The following DAG1 variants were observed in gnomAD, a reference collection of about 807,000 sequenced individuals.
The protein encoded by DAG1 is dystroglycan 1.
In DAG1, 8 loss-of-function variants were observed where a neutral mutation model predicts 46.1. The ratio of observed to expected loss-of-function variants is 0.17; its 90% CI spans 0.10 to 0.31. The LOEUF is 0.31. Ranked by LOEUF, DAG1 falls within the 10% of genes least tolerant of loss-of-function variation. The probability of loss-of-function intolerance (pLI) is 1.00; values close to 1 mark genes in which losing one functional copy is unlikely to be tolerated. For missense variants in DAG1, 1,003 were observed against 1,189.9 expected (o/e 0.84, Z 2.31); for synonymous variants, 495 against 481.8 (o/e 1.03, Z -0.36).
chr3:49,517,752 T>A (rs1452572021), intron 2 of DAG1, among the ~76,000 whole-genome samples: 3 of 152,226 alleles, frequency 2.0e-5, no homozygotes, highest in Admixed American at 6.5e-5. Flanking sequence ...TAAGCTATCA[T>A]TGTTCCCTGT....
At chr3:49,470,886 C>T (rs1179190525) in intron 1 of DAG1, 1 of 152,280 alleles carries the variant, frequency 6.6e-6, no homozygotes, top group Non-Finnish European at 1.5e-5. Context: ...TGCTCAGAGC[C>T]TTGGTGGGTT....
intron 1 of DAG1, among the ~76,000 whole-genome samples, chr3:49,495,940 C>CA (rs749675711): frequency 1.8e-4 from 27 of 150,748 alleles, no homozygotes; most frequent in African/African-American, 4.1e-4. Context: ...AAAACAAAAA[C>CA]AAAAAAACAG....
intron 1 of DAG1, among the ~76,000 whole-genome samples, chr3:49,481,196 T>A (rs2107055543): frequency 1.4e-5 from 2 of 145,900 alleles, no homozygotes; most frequent in South Asian, 4.5e-4. Context: ...GAGACCGTCC[T>A]GGCTAACATG....
chr3:49,501,730 C>G lies in DAG1; in HGVS notation c.-116-8689C>G, dbSNP rs181647983. On this transcript the variant is annotated intron_variant, in intron 1 of 2. Transcript: ENST00000308775. ...TGGGAGGCTGAGGCAGGGAGAATTG[C>G]TTGAACCCGGGAGGCAGAGGTTGCA... 2.7e-5 allele frequency among the ~76,000 whole-genome samples: 4 copies of G among 150,908 alleles called. No homozygotes were observed. The East Asian group carries it at 5.9e-4, about 22-fold the overall frequency.
intron 2 of DAG1, among the ~76,000 whole-genome samples, chr3:49,518,160 A>G (rs1035175580): frequency 3.3e-5 from 5 of 152,122 alleles, no homozygotes; most frequent in Non-Finnish European, 7.4e-5. Flanking sequence ...GGGTTGGTCT[A>G]TTTGGGCAGG....
intron 2 of DAG1, among the ~76,000 whole-genome samples, chr3:49,513,759 A>G (rs1443908828): frequency 4.6e-5 from 7 of 152,194 alleles, no homozygotes; most frequent in African/African-American, 1.4e-4. Context: ...GAGTGTTTGC[A>G]TAAAGTTTCC....
Position 49,533,071 on chromosome 3 carries a change from C to T in DAG1, c.2560C>T (p.Arg854Trp), listed in dbSNP as rs767716751. 29 of 1,614,172 alleles carry T rather than the reference C, an allele frequency of 1.8e-5. No homozygotes were observed. The highest frequency in any genetic ancestry group is 2.0e-5 in the Non-Finnish European group (24 of 1,180,024). ...CACCATGGGAGAGTACACGCCCCTG[C>T]GGGATGAGGATCCCAATGCGCCTCC... ...QDTMGEYTPL[R>W]DEDPNAPPYQ... The change falls in exon 3 of 3, where the codon CGG (arginine) becomes TGG (tryptophan). Residue 854 changes from arginine (R) to tryptophan (W), a missense_variant. Transcript: ENST00000308775.
chr3:49,511,467 C>A (rs1353029859), intron 2 of DAG1, among the ~76,000 whole-genome samples: 1 of 152,202 alleles, frequency 6.6e-6, no homozygotes, highest in African/African-American at 2.4e-5. Flanking sequence ...TCCCCTAGAT[C>A]TTAAATGAGT....
chr3:49,486,916 G>C (rs184845362), intron 1 of DAG1, among the ~76,000 whole-genome samples: 88 of 152,250 alleles, frequency 5.8e-4, no homozygotes, highest in Non-Finnish European at 9.6e-4. Flanking sequence ...TTGAGATTCA[G>C]TCTCGCTCTG....
intron 2 of DAG1, among the ~76,000 whole-genome samples, chr3:49,521,546 A>C (rs1407284241): frequency 6.6e-6 from 1 of 151,798 alleles, no homozygotes; most frequent in Non-Finnish European, 1.5e-5. Flanking sequence ...TGCAGCCTTG[A>C]CTTCCCCAGG....
chr3:49,483,068 TTGGC>T (rs1365529560), intron 1 of DAG1, among the ~76,000 whole-genome samples: 3 of 152,206 alleles, frequency 2.0e-5, no homozygotes, highest in African/African-American at 7.2e-5. Context: ...TCCTTTTTAT[TTGGC>T]TATTAATCAG....
chr3:49,521,029 C>T (rs1241984378), intron 2 of DAG1, among the ~76,000 whole-genome samples: 2 of 152,110 alleles, frequency 1.3e-5, no homozygotes, highest in Non-Finnish European at 2.9e-5. Flanking sequence ...TGGAAACCTG[C>T]TTTTATGAGA....
intron 1 of DAG1, among the ~76,000 whole-genome samples, chr3:49,483,620 C>G (rs2049941797): frequency 6.6e-6 from 1 of 152,078 alleles, no homozygotes; most frequent in Non-Finnish European, 1.5e-5. Context: ...GATTCTAAGT[C>G]TTGGAGAAAA....
intron 2 of DAG1, among the ~76,000 whole-genome samples, chr3:49,527,015 T>C (rs1162563098): frequency 6.6e-6 from 1 of 152,232 alleles, no homozygotes; most frequent in African/African-American, 2.4e-5. Context: ...AGCAGAACTT[T>C]GGCTGTTGGG....
chr3:49,469,746 G>C (rs2049456654), upstream of DAG1, among the ~76,000 whole-genome samples: 1 of 152,206 alleles, frequency 6.6e-6, no homozygotes, highest in Non-Finnish European at 1.5e-5. Context: ...CTTTGCAATT[G>C]AGAGAACGCT....
At position 49,530,494 on chromosome 3, in the gene DAG1, C is replaced by T. The variant is rs1002834962; in HGVS notation, c.286-303C>T. 2.6e-5 allele frequency among the ~76,000 whole-genome samples: 4 copies of T among 152,280 alleles called. No individual in the cohort carries two copies. In the East Asian group the frequency reaches 5.8e-4, roughly 22 times the overall value. On this transcript the variant is annotated intron_variant, in intron 2 of 2. Transcript: ENST00000308775. The stretch of plus-strand genomic sequence containing the variant: ...TCACTGTTATAAAATCCACAACAGT[C>T]GTGAGCTCCATGGCATCAGTTCTTG...
chr3:49,496,715 C>T (rs1489921533), intron 1 of DAG1, among the ~76,000 whole-genome samples: 3 of 151,496 alleles, frequency 2.0e-5, no homozygotes, highest in Non-Finnish European at 4.4e-5. Context: ...CAACCTCTAC[C>T]TCCCAAGTTC....
At chr3:49,530,279 G>T (rs2051304325) in intron 2 of DAG1, among the ~76,000 whole-genome samples, 1 of 152,162 alleles carries the variant, frequency 6.6e-6, no homozygotes, top group Admixed American at 6.5e-5. Context: ...GCCTTCCCTT[G>T]TACCCAGACC....
intron 1 of DAG1, among the ~76,000 whole-genome samples, chr3:49,475,108 G>A (rs1363109348): frequency 4.0e-5 from 6 of 150,360 alleles, no homozygotes; most frequent in Non-Finnish European, 7.4e-5. Context: ...CACCGTGCCC[G>A]GTTTTTTTTT....
Sources: gnomAD v4.1 joint callset for allele counts (sites outside exome capture counted in the v4.1 genomes callset) on GRCh38, gnomAD v4.1.1 for gene constraint, MANE v1.5 for transcripts, NCBI Gene and HGNC (gene_info 2026-07-23, HGNC 2026-07-21) for gene names.